Variants in FIG4 observed in about 807,000 individuals in gnomAD.
FIG4 encodes polyphosphoinositide phosphatase.
FIG4 carries 112 observed loss-of-function variants against 118.6 expected under a neutral mutation model. That is an observed-to-expected ratio of 0.94 (90% CI 0.81 to 1.11). The LOEUF is 1.11. Ranked by LOEUF, FIG4 falls within the 50% of genes least tolerant of loss-of-function variation. The pLI, the probability that FIG4 is intolerant of heterozygous loss-of-function variation, is 0.00. For synonymous variants in FIG4, 369 were observed against 381.2 expected (o/e 0.97, Z 0.37); for missense variants, 969 against 1,111.7 (o/e 0.87, Z 1.83).
chr6:109,735,333 G>A, intron 6 of FIG4, 35 bp downstream of exon 6: 1 of 1,564,864 alleles, frequency 6.4e-7, no homozygotes, highest in Non-Finnish European at 8.8e-7. Flanking sequence ...GTATATTAAT[G>A]TGGTATCCAT....
At chr6:109,751,801 CTCT>C (rs1776708092) in intron 10 of FIG4, among the ~76,000 whole-genome samples, 2 of 49,914 alleles carry the variant, frequency 4.0e-5, no homozygotes, top group Non-Finnish European at 7.6e-5. Context: ...TGATTCTTCT[CTCT>C]TTTTTTCTTT....
At chr6:109,711,948 G>A (rs1389665221) in intron 1 of FIG4, among the ~76,000 whole-genome samples, 1 of 152,194 alleles carries the variant, frequency 6.6e-6, no homozygotes, top group Non-Finnish European at 1.5e-5. Context: ...TTGCAAGGCA[G>A]TTCTGGTGGT....
intron 22 of FIG4, among the ~76,000 whole-genome samples, chr6:109,809,235 G>A (rs145938210): frequency 3.7e-4 from 57 of 152,212 alleles, no homozygotes; most frequent in Middle Eastern, 6.8e-3. Flanking sequence ...AATGTATCAC[G>A]ACAGATTCTG....
At chr6:109,705,841 G>A (rs1034297199) in intron 1 of FIG4, among the ~76,000 whole-genome samples, 1 of 152,066 alleles carries the variant, frequency 6.6e-6, no homozygotes, top group African/African-American at 2.4e-5. Context: ...TAAAATAGAA[G>A]TTAAAATTAA....
chr6:109,823,611 A>G (rs908487887), intron 22 of FIG4, among the ~76,000 whole-genome samples: 23 of 152,038 alleles, frequency 1.5e-4, no homozygotes, highest in Admixed American at 1.3e-3. Context: ...TCACCGTACT[A>G]TCTAGTGTCC....
Position 109,825,345 on chromosome 6 carries a change from A to G in FIG4, c.*80A>G. 1 of 1,365,702 alleles carries G rather than the reference A, an allele frequency of 7.3e-7. No individual in the cohort carries two copies. The highest frequency in any genetic ancestry group is 1.0e-6 in the Non-Finnish European group (1 of 961,938). The allele number at this position is 1,365,702 out of a possible 1,614,324, so 84.6% of individuals were successfully genotyped here. On this transcript the variant is annotated 3_prime_UTR_variant, in exon 23 of 23. Coordinates refer to ENST00000230124, the MANE Select transcript of FIG4 (RefSeq NM_014845.6). ...TCTCATCTTCAAAAGGTAACTTATT[A>G]AAAGTCCTTTGCGTCTGAAGCCTTT... is the stretch of plus-strand genomic sequence containing the variant.
chr6:109,789,110 A>G (rs958471851), intron 18 of FIG4, among the ~76,000 whole-genome samples: 2 of 152,224 alleles, frequency 1.3e-5, no homozygotes, highest in Non-Finnish European at 2.9e-5. Flanking sequence ...TAGCTTAAAA[A>G]TGTTGTCCAT....
At chr6:109,778,153 C>G (rs1777674216) in intron 16 of FIG4, among the ~76,000 whole-genome samples, 1 of 152,004 alleles carries the variant, frequency 6.6e-6, no homozygotes, top group Non-Finnish European at 1.5e-5. Context: ...TGATAGAGCC[C>G]TAATTTTGCG....
chr6:109,807,935 T>C (rs920511631), intron 22 of FIG4, among the ~76,000 whole-genome samples: 4 of 152,168 alleles, frequency 2.6e-5, no homozygotes, highest in Non-Finnish European at 5.9e-5. Context: ...TTCTGAGGCC[T>C]CTGTTCTGAA....
chr6:109,805,696 A>G (rs1778546872), intron 22 of FIG4, among the ~76,000 whole-genome samples: 1 of 152,146 alleles, frequency 6.6e-6, no homozygotes, highest in Non-Finnish European at 1.5e-5. Context: ...TTTCTTAACG[A>G]TTTTGTTTTA....
intron 15 of FIG4, among the ~76,000 whole-genome samples, chr6:109,772,923 G>A (rs901858132): frequency 1.3e-5 from 2 of 152,212 alleles, no homozygotes; most frequent in African/African-American, 4.8e-5. Flanking sequence ...GATGTCACAT[G>A]ACGTTAAAAT....
intron 20 of FIG4, among the ~76,000 whole-genome samples, chr6:109,791,949 A>C (rs979229310): frequency 6.6e-6 from 1 of 152,238 alleles, no homozygotes; most frequent in Admixed American, 6.5e-5. Context: ...CATCCTGTTC[A>C]ATTCAATATT....
intron 10 of FIG4, among the ~76,000 whole-genome samples, chr6:109,757,420 T>C (rs1316034344): frequency 6.6e-6 from 1 of 152,216 alleles, no homozygotes; most frequent in Non-Finnish European, 1.5e-5. Context: ...TGAACACCCA[T>C]TCATGCTAAA....
intron 7 of FIG4, among the ~76,000 whole-genome samples, chr6:109,738,921 C>G (rs907234793): frequency 6.6e-6 from 1 of 152,034 alleles, no homozygotes; most frequent in Non-Finnish European, 1.5e-5. Flanking sequence ...GTGCATAAAA[C>G]TCCCAGGAGG....
intron 22 of FIG4, among the ~76,000 whole-genome samples, chr6:109,801,421 G>A (rs34476940): frequency 8.8e-4 from 134 of 152,086 alleles, no homozygotes; most frequent in African/African-American, 1.4e-3. Context: ...GGTGGCAGGC[G>A]CCTATAATCC....
At chr6:109,821,995 G>A (rs955291458) in intron 22 of FIG4, among the ~76,000 whole-genome samples, 11 of 152,074 alleles carry the variant, frequency 7.2e-5, no homozygotes, top group African/African-American at 2.7e-4. Context: ...AGCCATGATC[G>A]CTCCATTGTA....
intron 3 of FIG4, among the ~76,000 whole-genome samples, chr6:109,722,315 G>A (rs914363227): frequency 5.3e-5 from 8 of 151,482 alleles, no homozygotes; most frequent in African/African-American, 1.7e-4. Context: ...CATTTTTTTC[G>A]CAGTGGCATG....
At chr6:109,753,674 G>T (rs1380602630) in intron 10 of FIG4, among the ~76,000 whole-genome samples, 9 of 151,898 alleles carry the variant, frequency 5.9e-5, no homozygotes, top group African/African-American at 1.4e-4. Context: ...TTGTAAGTTG[G>T]ATTCCTAGGT....
Position 109,820,985 on chromosome 6 carries a change from G to A in FIG4, c.2547-4103G>A, listed in dbSNP as rs189561050. On this transcript the variant is annotated intron_variant, in intron 22 of 22. Transcript: ENST00000230124. ...ACCCCAAAATAGCTCACAGGTAGTC[G>A]CCAGAAATCATTGAAGCTGAAACAG... 3.9e-5 allele frequency among the ~76,000 whole-genome samples: 6 copies of A among 152,266 alleles called. No individual in the cohort carries two copies. The South Asian group carries it at 1.2e-3, about 32-fold the overall frequency.
Sources: gnomAD v4.1 joint callset for allele counts (sites outside exome capture counted in the v4.1 genomes callset) on GRCh38, gnomAD v4.1.1 for gene constraint, MANE v1.5 for transcripts, NCBI Gene and HGNC (gene_info 2026-07-23, HGNC 2026-07-21) for gene names.